GLYATL2: variants seen among roughly 807,000 people sequenced by gnomAD.
GLYATL2 encodes the protein glycine N-acyltransferase-like protein 2.
In GLYATL2, 25 loss-of-function variants were observed where a neutral mutation model predicts 21.4. The observed-to-expected ratio is 1.17, with a 90% CI of 0.85 to 1.63. The LOEUF (loss-of-function observed/expected upper bound fraction) is 1.63. Ranked by LOEUF, GLYATL2 falls within the 40% of genes most tolerant of loss-of-function variation. The pLI, the probability that GLYATL2 is intolerant of heterozygous loss-of-function variation, is 0.00. For synonymous variants in GLYATL2, 114 were observed against 118.2 expected (o/e 0.96, Z 0.23); for missense variants, 361 against 343.3 (o/e 1.05, Z -0.41).
chr11:58,874,527 TGC>T (rs1375903682), intron 1 of GLYATL2, among the ~76,000 whole-genome samples: 1 of 152,246 alleles, frequency 6.6e-6, no homozygotes, highest in Non-Finnish European at 1.5e-5. Context: ...TCTTTATTTC[TGC>T]CTTCATTTCG....
At chr11:58,899,673 T>C (rs555812888) in intron 1 of GLYATL2, among the ~76,000 whole-genome samples, 4 of 152,122 alleles carry the variant, frequency 2.6e-5, no homozygotes, top group Non-Finnish European at 5.9e-5. Flanking sequence ...GGTTGCAGTC[T>C]GAGAAAGCAC....
intron 1 of GLYATL2, among the ~76,000 whole-genome samples, chr11:58,880,452 A>G (rs1162483633): frequency 5.5e-4 from 84 of 152,192 alleles, no homozygotes; most frequent in Admixed American, 5.4e-3. Context: ...CCAAGGCTAC[A>G]ATATTCTCAA....
At chr11:58,896,646 C>A (rs753868782) in intron 1 of GLYATL2, among the ~76,000 whole-genome samples, 1 of 152,152 alleles carries the variant, frequency 6.6e-6, no homozygotes, top group Non-Finnish European at 1.5e-5. Context: ...GGAGTAGGGA[C>A]GGGTTTATTA....
chr11:58,907,108 G>A, upstream of GLYATL2: 1 of 353,924 alleles, frequency 2.8e-6, no homozygotes, highest in Non-Finnish European at 5.6e-6. Context: ...CACCATAATA[G>A]TTTTAGGGTG....
chr11:58,869,494 C>A (rs1343885788), intron 1 of GLYATL2, among the ~76,000 whole-genome samples: 1 of 152,246 alleles, frequency 6.6e-6, no homozygotes, highest in African/African-American at 2.4e-5. Flanking sequence ...CCTATCAAGG[C>A]TAACAAAGTT....
chr11:58,902,140 G>T (rs1445249608), intron 1 of GLYATL2, among the ~76,000 whole-genome samples: 1 of 152,112 alleles, frequency 6.6e-6, no homozygotes, highest in African/African-American at 2.4e-5. Context: ...GAGGCTTAGA[G>T]ACCCCATTTC....
At chr11:58,860,523 T>C (rs1379001484) in intron 1 of GLYATL2, among the ~76,000 whole-genome samples, 2 of 152,110 alleles carry the variant, frequency 1.3e-5, no homozygotes, top group African/African-American at 2.4e-5. Flanking sequence ...ATGTTTTATA[T>C]GTAGGACCAT....
intron 1 of GLYATL2, among the ~76,000 whole-genome samples, chr11:58,902,067 A>C (rs886762915): frequency 2.6e-5 from 4 of 152,142 alleles, no homozygotes; most frequent in African/African-American, 9.7e-5. Context: ...AGGATGGACT[A>C]CGGGGTCTAT....
At chr11:58,877,563 A>T (rs1854259467) in intron 1 of GLYATL2, among the ~76,000 whole-genome samples, 1 of 152,238 alleles carries the variant, frequency 6.6e-6, no homozygotes, top group South Asian at 2.1e-4. Context: ...CACAGAGGAG[A>T]CTGCGAAGAA....
At chr11:58,894,482 A>AAAAG (rs1854601982) in intron 1 of GLYATL2, among the ~76,000 whole-genome samples, 2 of 151,762 alleles carry the variant, frequency 1.3e-5, no homozygotes, top group Non-Finnish European at 2.9e-5. Flanking sequence ...ATAGCAAAAA[A>AAAAG]AAAAAAAAAA....
chr11:58,864,288 C>G (rs1450568229), intron 1 of GLYATL2, among the ~76,000 whole-genome samples: 2 of 151,960 alleles, frequency 1.3e-5, no homozygotes, highest in East Asian at 3.9e-4. Context: ...TGGGAGCAGT[C>G]TGGAGCATGA....
chr11:58,876,275 C>T (rs1854230894), intron 1 of GLYATL2, among the ~76,000 whole-genome samples: 1 of 152,200 alleles, frequency 6.6e-6, no homozygotes, highest in Admixed American at 6.5e-5. Context: ...CTTCTGAAGC[C>T]TTCCTCTCTC....
intron 1 of GLYATL2, among the ~76,000 whole-genome samples, chr11:58,865,103 C>T (rs1854001526): frequency 6.8e-6 from 1 of 146,342 alleles, no homozygotes; most frequent in African/African-American, 2.4e-5. Context: ...ACATGAAACA[C>T]ATACAGCTTT....
intron 1 of GLYATL2, among the ~76,000 whole-genome samples, chr11:58,901,187 G>GGCGGGGCGGTTGACC (rs1404492437): frequency 6.6e-6 from 1 of 152,228 alleles, no homozygotes; most frequent in African/African-American, 2.4e-5. Flanking sequence ...CAGAGAGACA[G>GGCGGGGCGGTTGACC]GCGGGGCGGT....
chr11:58,858,555 T>C (rs1336758578), intron 1 of GLYATL2, among the ~76,000 whole-genome samples: 4 of 152,112 alleles, frequency 2.6e-5, no homozygotes, highest in African/African-American at 9.7e-5. Context: ...AGATGTTGAG[T>C]TTTATTTACT....
At chr11:58,891,110 A>G (rs1854536239) in intron 1 of GLYATL2, among the ~76,000 whole-genome samples, 2 of 152,202 alleles carry the variant, frequency 1.3e-5, no homozygotes, top group Non-Finnish European at 2.9e-5. Context: ...GGTTTTGGCC[A>G]TATTCAGGAA....
At chr11:58,839,481 G>T in intron 2 of GLYATL2, 54 bp downstream of exon 2, 3 of 1,093,452 alleles carry the variant, frequency 2.7e-6, no homozygotes, top group East Asian at 2.4e-5. Flanking sequence ...TCCTGAATCT[G>T]TCCTCCTCTC....
chr11:58,878,501 T>C, intron 1 of GLYATL2: 1 of 195,052 alleles, frequency 5.1e-6, no homozygotes, highest in Non-Finnish European at 1.0e-5. Context: ...GGACTAGGTC[T>C]AGGAATGAAT....
At chr11:58,878,474 G>T in intron 1 of GLYATL2, 1 of 240,098 alleles carries the variant, frequency 4.2e-6, no homozygotes. Context: ...ACTGGGTTTG[G>T]AGTTGCAACA....
Sources: allele counts gnomAD v4.1 joint callset (sites outside exome capture counted in the v4.1 genomes callset), GRCh38; gene constraint gnomAD v4.1.1; transcripts MANE v1.5; gene names NCBI Gene and HGNC (gene_info 2026-07-23, HGNC 2026-07-21).